RHBDD1: variants seen among roughly 807,000 people sequenced by gnomAD.
RHBDD1 encodes rhomboid domain containing 1, also known as rhomboid-related protein 4.
A neutral mutation model predicts 36.3 loss-of-function variants in RHBDD1; 38 were observed. The observed-to-expected ratio is 1.05, with a 90% CI of 0.81 to 1.37. The LOEUF (loss-of-function observed/expected upper bound fraction) is 1.37. Ranked by LOEUF, RHBDD1 falls within the 40% of genes most tolerant of loss-of-function variation. RHBDD1 has a pLI of 0.00. For synonymous variants in RHBDD1, 151 were observed against 136.5 expected (o/e 1.11, Z -0.74); for missense variants, 393 against 377.6 (o/e 1.04, Z -0.34).
intron 5 of RHBDD1, among the ~76,000 whole-genome samples, chr2:226,880,663 G>C (rs963513726): frequency 2.6e-5 from 4 of 152,174 alleles, no homozygotes; most frequent in Non-Finnish European, 5.9e-5. Context: ...CCCATTCCCT[G>C]ACCCACCGTG....
At position 226,836,092 on chromosome 2, in the gene RHBDD1, G is replaced by T. The variant is rs549796990; in HGVS notation, c.-392+5G>T. The T allele has an allele frequency of 5.9e-5, 9 of 152,866 alleles. No individual in the cohort carries two copies. The highest frequency in any genetic ancestry group is 1.9e-4 in the African/African-American group (8 of 41,588). 9.5% of individuals were successfully genotyped at this position (152,866 alleles called of 1,614,324 possible). A position where few individuals can be genotyped will look rare whatever the true frequency, so the allele number is the denominator to read the frequency against. ...CGCAGGCGGGTCGTAGAGAGCGTGAGTTTCCGCGTCTGTTTGGTCCGGCTG... is the reference window on the plus strand; with the variant it reads ...CGCAGGCGGGTCGTAGAGAGCGTGATTTTCCGCGTCTGTTTGGTCCGGCTG... On this transcript the variant is annotated splice_donor_5th_base_variant and intron_variant, in intron 1 of 8. Transcript: ENST00000392062.
intron 8 of RHBDD1, among the ~76,000 whole-genome samples, chr2:226,951,249 T>G (rs1951405835): frequency 1.3e-5 from 2 of 152,138 alleles, no homozygotes; most frequent in South Asian, 4.1e-4. Flanking sequence ...CCAAATACAG[T>G]CTCTTTCTGT....
At chr2:226,982,065 T>A (rs749930068) in intron 8 of RHBDD1, among the ~76,000 whole-genome samples, 6 of 152,218 alleles carry the variant, frequency 3.9e-5, no homozygotes, top group Non-Finnish European at 8.8e-5. Flanking sequence ...CTTTCACATA[T>A]TTTCAACTTC....
intron 8 of RHBDD1, chr2:226,935,465 A>T (rs577486230): frequency 1.3e-5 from 2 of 152,154 alleles, no homozygotes; most frequent in South Asian, 4.1e-4. Flanking sequence ...CTGTGTGGCA[A>T]TTTTTGTAAA....
At chr2:226,813,608 T>C in the RHBDD1 span, among the ~76,000 whole-genome samples, 1 of 152,250 alleles carries the variant, frequency 6.6e-6, no homozygotes, top group Non-Finnish European at 1.5e-5. Flanking sequence ...GCTCTGTCAC[T>C]TGCCATCATT....
chr2:226,822,429 G>GT, the RHBDD1 span, among the ~76,000 whole-genome samples: 1 of 152,112 alleles, frequency 6.6e-6, no homozygotes, highest in African/African-American at 2.4e-5. Flanking sequence ...AAGGTCAGGA[G>GT]TTTGAGATCA....
intron 8 of RHBDD1, among the ~76,000 whole-genome samples, chr2:226,932,811 T>A (rs1428090846): frequency 3.3e-5 from 5 of 152,118 alleles, no homozygotes; most frequent in African/African-American, 9.7e-5. Context: ...GTTTTATTTT[T>A]CTTCCTTTTC....
intron 6 of RHBDD1, chr2:226,908,511 C>T (rs1948237803): frequency 2.0e-5 from 6 of 305,174 alleles, no homozygotes; most frequent in African/African-American, 2.1e-5. Flanking sequence ...ACATCAAAGC[C>T]GAGGCTTGGT....
At chr2:226,934,351 T>C (rs1197182950) in intron 8 of RHBDD1, among the ~76,000 whole-genome samples, 1 of 152,136 alleles carries the variant, frequency 6.6e-6, no homozygotes, top group Non-Finnish European at 1.5e-5. Flanking sequence ...TTATAATGAC[T>C]GCACAATGAC....
At chr2:226,842,554 A>G (rs767541699) in intron 3 of RHBDD1, among the ~76,000 whole-genome samples, 41 of 152,084 alleles carry the variant, frequency 2.7e-4, no homozygotes, top group Non-Finnish European at 4.9e-4. Context: ...TCCTTTCTCT[A>G]TTTCTTGTTT....
At chr2:226,852,942 T>TATC (rs1942972206) in intron 3 of RHBDD1, among the ~76,000 whole-genome samples, 1 of 144,794 alleles carries the variant, frequency 6.9e-6, no homozygotes, top group South Asian at 2.1e-4. Flanking sequence ...TTATTATTAT[T>TATC]ATTATTTGTA....
At chr2:226,809,524 A>T in the RHBDD1 span, among the ~76,000 whole-genome samples, 1 of 152,204 alleles carries the variant, frequency 6.6e-6, no homozygotes, top group Non-Finnish European at 1.5e-5. Flanking sequence ...AATTCCTATG[A>T]GGACAGAGAT....
intron 8 of RHBDD1, among the ~76,000 whole-genome samples, chr2:226,954,567 A>G (rs1951662255): frequency 6.6e-6 from 1 of 152,158 alleles, no homozygotes; most frequent in Non-Finnish European, 1.5e-5. Flanking sequence ...CTGGTATTAA[A>G]TATCATTGCC....
rs2149640699 is a variant in RHBDD1 at position 226,997,589 on chromosome 2, A to C, written c.*2067A>C. 1 of 152,296 alleles carries C rather than the reference A, an allele frequency of 6.6e-6. No individual in the cohort carries two copies. Among genetic ancestry groups the C allele is most frequent in the East Asian group, 1.9e-4 (1 of 5,182 alleles). 9.4% of individuals were successfully genotyped at this position (152,296 alleles called of 1,614,324 possible). Reference sequence around the variant, plus strand: ...TTCACCAAAGTATTTTTTCCATTGTATTAAGAGTCCAGTCACTGTATATGG... The same window carrying C: ...TTCACCAAAGTATTTTTTCCATTGTCTTAAGAGTCCAGTCACTGTATATGG... On this transcript the variant is annotated 3_prime_UTR_variant, in exon 9 of 9. Transcript: ENST00000392062.
chr2:226,816,617 C>G, the RHBDD1 span, among the ~76,000 whole-genome samples: 1 of 152,142 alleles, frequency 6.6e-6, no homozygotes, highest in Non-Finnish European at 1.5e-5. Context: ...AGGTCTAGGC[C>G]AGGCACAGTG....
At chr2:226,935,536 C>G (rs773582650) in intron 8 of RHBDD1, 10 of 152,022 alleles carry the variant, frequency 6.6e-5, no homozygotes, top group Non-Finnish European at 4.4e-5. Flanking sequence ...AAAGAAAAAA[C>G]GATGGGAATT....
intron 8 of RHBDD1, among the ~76,000 whole-genome samples, chr2:226,980,709 A>G (rs1035421206): frequency 6.6e-6 from 1 of 152,164 alleles, no homozygotes; most frequent in Admixed American, 6.5e-5. Context: ...GATACTTCCA[A>G]TGAAGTTCAG....
intron 5 of RHBDD1, 169 bp downstream of exon 5, chr2:226,867,487 A>G (rs1944433714): frequency 2.4e-6 from 2 of 821,902 alleles, no homozygotes; most frequent in South Asian, 1.1e-4. Flanking sequence ...CTGGGTTTGA[A>G]TCTTTTCAAC....
In RHBDD1 at chr2:226,951,022, A is replaced by G. The variant is rs550935444; in HGVS notation, c.856+36671A>G. Among the ~76,000 whole-genome samples the G allele has an allele frequency of 7.2e-5, 11 of 152,264 alleles. No homozygotes were observed. In the South Asian group the frequency reaches 2.3e-3, roughly 32 times the overall value. ...TTTTGTCGACCATGCTTTCAGGGTCATATCTAAAAAATTATTGCCCAGACC... is the reference window on the plus strand; with the variant it reads ...TTTTGTCGACCATGCTTTCAGGGTCGTATCTAAAAAATTATTGCCCAGACC... On this transcript the variant is annotated intron_variant, in intron 8 of 8. Coordinates refer to ENST00000392062, the MANE Select transcript of RHBDD1 (RefSeq NM_001167608.3).
Sources: allele counts gnomAD v4.1 joint callset (sites outside exome capture counted in the v4.1 genomes callset), GRCh38; gene constraint gnomAD v4.1.1; transcripts MANE v1.5; gene names NCBI Gene and HGNC (gene_info 2026-07-23, HGNC 2026-07-21).